The following GNB5 variants were observed in gnomAD, a reference collection of about 807,000 sequenced individuals.
The protein encoded by GNB5 is G protein subunit beta 5, also known as guanine nucleotide-binding protein subunit beta-5.
A neutral mutation model predicts 55.3 loss-of-function variants in GNB5; 37 were observed. The observed-to-expected ratio is 0.67, with a 90% confidence interval of 0.51 to 0.88. GNB5 has a LOEUF of 0.88. Ranked by LOEUF, GNB5 falls within the 40% of genes least tolerant of loss-of-function variation. The pLI is 0.00. For synonymous variants in GNB5, 219 were observed against 198.5 expected (o/e 1.10, Z -0.87); for missense variants, 476 against 515.3 (o/e 0.92, Z 0.74).
chr15:52,131,831 T>C (rs1014901869), intron 9 of GNB5, among the ~76,000 whole-genome samples: 1 of 152,236 alleles, frequency 6.6e-6, no homozygotes, highest in Admixed American at 6.5e-5. Context: ...AAATACTTTA[T>C]AAACTGTCTC....
At chr15:52,181,890 T>G (rs2141242005) in intron 2 of GNB5, among the ~76,000 whole-genome samples, 1 of 151,822 alleles carries the variant, frequency 6.6e-6, no homozygotes, top group Non-Finnish European at 1.5e-5. Flanking sequence ...ATGTTAAAAA[T>G]ATAAACATAT....
chr15:52,131,986 C>A (rs532581032), intron 9 of GNB5, among the ~76,000 whole-genome samples: 1 of 152,306 alleles, frequency 6.6e-6, no homozygotes, highest in South Asian at 2.1e-4. Context: ...AATCCATGTG[C>A]AAAGCCCACC....
At chr15:52,139,847 C>G (rs986627545) in intron 7 of GNB5, 1 of 1,279,088 alleles carries the variant, frequency 7.8e-7, no homozygotes, top group African/African-American at 1.5e-5. Flanking sequence ...AACCCTGCCC[C>G]GGGGCAACAC....
intron 2 of GNB5, chr15:52,180,776 G>A (rs2034756077): frequency 6.6e-6 from 1 of 152,286 alleles, no homozygotes; most frequent in Non-Finnish European, 1.5e-5. Flanking sequence ...CGCCTGAAGT[G>A]TGAGAGGCAC....
At chr15:52,186,927 C>T (rs2034854172) in intron 1 of GNB5, among the ~76,000 whole-genome samples, 1 of 152,126 alleles carries the variant, frequency 6.6e-6, no homozygotes, top group South Asian at 2.1e-4. Context: ...GACAACAGCT[C>T]GCAAGGAAAC....
rs2033844745 is a variant in GNB5, at chr15:52,141,191, A to G, written c.576T>C (p.Ala192=). The change falls in exon 7 of 13, where the codon GCT becomes GCC. Residue 192 remains alanine (A), a synonymous_variant. Coordinates refer to ENST00000261837, the MANE Select transcript of GNB5 (RefSeq NM_016194.4). ...AGGCCGACAGGTAGTTGGTGTGCAT[A>G]GCAACAGACTTCTTTTTGGCAGCCA... The part of the protein sequence containing the change: ...ENMAAKKKSV[A]MHTNYLSACS... 1.2e-6 allele frequency: 2 copies of G among 1,613,940 alleles called. No individual in the cohort carries two copies. Among genetic ancestry groups the G allele is most frequent in the South Asian group, 2.2e-5 (2 of 91,088 alleles).
chr15:52,143,128 C>G (rs1388640231), intron 6 of GNB5, among the ~76,000 whole-genome samples: 1 of 151,192 alleles, frequency 6.6e-6, no homozygotes, highest in Non-Finnish European at 1.5e-5. Context: ...GCACTCCAGC[C>G]TGGGCAACAG....
chr15:52,155,622 G>A (rs2034192185), intron 3 of GNB5, among the ~76,000 whole-genome samples: 1 of 152,212 alleles, frequency 6.6e-6, no homozygotes, highest in Non-Finnish European at 1.5e-5. Flanking sequence ...TCAGTTGCAT[G>A]TTTAGCCTCC....
intron 9 of GNB5, among the ~76,000 whole-genome samples, chr15:52,131,923 C>A (rs1298675232): frequency 6.6e-6 from 1 of 152,202 alleles, no homozygotes; most frequent in Non-Finnish European, 1.5e-5. Flanking sequence ...TACTTGACAT[C>A]TTGAATGTTT....
At position 52,149,462 on chromosome 15, in the gene GNB5, C is replaced by T. The variant is rs115942358; in HGVS notation, c.417+422G>A. The T allele has an allele frequency of 5.2e-3, 2,139 of 413,046 alleles. 34 individuals carry two copies. Among genetic ancestry groups the T allele is most frequent in the African/African-American group, 0.039 (1,981 of 50,504 alleles). 25.6% of individuals were successfully genotyped at this position (413,046 alleles called of 1,614,324 possible). On this transcript the variant is annotated intron_variant, in intron 5 of 12. Transcript: ENST00000261837. ...CACAGGGTAGCTCTGCCCAGTCCCA[C>T]TGCAGCCTCATCTTCCCCACCCTCC...
intron 3 of GNB5, among the ~76,000 whole-genome samples, chr15:52,163,992 G>A (rs960521702): frequency 1.3e-5 from 2 of 152,256 alleles, no homozygotes; most frequent in Admixed American, 6.5e-5. Flanking sequence ...CAGCCCTGTG[G>A]AGGAGAGGCC....
chr15:52,137,799 A>G lies in GNB5; in HGVS notation c.628-2043T>C. 5 of 1,259,064 alleles carry G rather than the reference A, an allele frequency of 4.0e-6. No individual in the cohort carries two copies. In the South Asian group the frequency reaches 6.6e-5, roughly 17 times the overall value. 78.0% of individuals were successfully genotyped at this position (1,259,064 alleles called of 1,614,324 possible). ...GCCCTGGAGCCAGCTGGGTACTGAC[A>G]GCAATGGAGGGGACCTGCAAGGGAG... On this transcript the variant is annotated intron_variant, in intron 7 of 12. Transcript: ENST00000261837.
At chr15:52,145,622 G>A (rs1596073654) in intron 6 of GNB5, among the ~76,000 whole-genome samples, 1 of 152,104 alleles carries the variant, frequency 6.6e-6, no homozygotes, top group Non-Finnish European at 1.5e-5. Flanking sequence ...TCCAGCCTGG[G>A]TGACAGAGCC....
chr15:52,178,377 T>C (rs960523507), intron 3 of GNB5, among the ~76,000 whole-genome samples: 3 of 152,218 alleles, frequency 2.0e-5, no homozygotes, highest in African/African-American at 7.2e-5. Context: ...GCTTTCTTGA[T>C]AGGGAGCAAA....
intron 3 of GNB5, chr15:52,162,707 T>A (rs1256626726): frequency 1.3e-5 from 2 of 152,188 alleles, no homozygotes; most frequent in East Asian, 3.8e-4. Flanking sequence ...TCTGATTCTG[T>A]GCCAAAGTAG....
chr15:52,150,101 G>A (rs780937502), intron 4 of GNB5, among the ~76,000 whole-genome samples, 176 bp from the exon 5 acceptor site: 2 of 152,148 alleles, frequency 1.3e-5, no homozygotes, highest in Non-Finnish European at 2.9e-5. Context: ...GAGTGCAGGA[G>A]GGGCTGGATG....
intron 10 of GNB5, among the ~76,000 whole-genome samples, chr15:52,126,453 T>G (rs1420392226): frequency 6.6e-6 from 1 of 152,206 alleles, no homozygotes; most frequent in Non-Finnish European, 1.5e-5. Flanking sequence ...CCTTCAGTCT[T>G]ATTTGTATTT....
chr15:52,135,786 G>A, intron 7 of GNB5, 30 bp from the exon 8 acceptor site: 1 of 1,607,842 alleles, frequency 6.2e-7, no homozygotes, highest in Non-Finnish European at 8.5e-7. Flanking sequence ...GGAAGTGGGT[G>A]GTTGTGGTTA....
chr15:52,124,369 G>A (rs1012981016), intron 12 of GNB5, 104 bp downstream of exon 12: 1 of 899,426 alleles, frequency 1.1e-6, no homozygotes, highest in African/African-American at 1.7e-5. Flanking sequence ...AGGCTGACCA[G>A]GCCCACCTGA....
Sources: gnomAD v4.1 joint callset for allele counts (sites outside exome capture counted in the v4.1 genomes callset) on GRCh38, gnomAD v4.1.1 for gene constraint, MANE v1.5 for transcripts, NCBI Gene and HGNC (gene_info 2026-07-23, HGNC 2026-07-21) for gene names.